The following LIPI variants were observed in gnomAD, a reference collection of about 807,000 sequenced individuals.
The protein encoded by LIPI is lipase I, also known as lipase member I.
In LIPI, 59 loss-of-function variants were observed where a neutral mutation model predicts 50.6. That is an observed-to-expected ratio of 1.16 (90% CI 0.94 to 1.45). The LOEUF (loss-of-function observed/expected upper bound fraction) is 1.45, where lower values mean the gene tolerates loss of function less well. LIPI is among the 40% of genes most tolerant of loss of function. The pLI, the probability that LIPI is intolerant of heterozygous loss-of-function variation, is 0.00. For synonymous variants in LIPI, 203 were observed against 178.2 expected (o/e 1.14, Z -1.11); for missense variants, 586 against 536.3 (o/e 1.09, Z -0.92).
chr21:14,130,157 G>GT (rs2017232542), intron 9 of LIPI, among the ~76,000 whole-genome samples: 1 of 152,136 alleles, frequency 6.6e-6, no homozygotes. Flanking sequence ...TTCTCCCAAA[G>GT]TTTAGCCATA....
chr21:14,209,410 T>C (rs2020307982), intron 1 of LIPI, among the ~76,000 whole-genome samples: 1 of 152,110 alleles, frequency 6.6e-6, no homozygotes, highest in Admixed American at 6.6e-5. Flanking sequence ...GCATGTGTAA[T>C]AAATAAAACA....
In LIPI at chr21:14,156,961, T is replaced by C. The variant is rs1166157977; in HGVS notation, c.1007-4277A>G. ...TCAAACGGAAATTAGAAATATATTA[T>C]TGGAAACTGGTAGAAGAAGAATCCT... On this transcript the variant is annotated intron_variant, in intron 7 of 9. Transcript: ENST00000681601. 8.6e-5 allele frequency among the ~76,000 whole-genome samples: 13 copies of C among 151,994 alleles called. No individual in the cohort carries two copies. The East Asian group carries it at 2.3e-3, about 27-fold the overall frequency.
At position 14,206,333 on chromosome 21, in the gene LIPI, A is replaced by G. The variant is rs138771031; in HGVS notation, c.46+4467T>C. On this transcript the variant is annotated intron_variant, in intron 1 of 9. Coordinates refer to ENST00000681601, the MANE Select transcript of LIPI (RefSeq NM_001302998.2). The stretch of plus-strand genomic sequence containing the variant: ...TGTTTAAATGGAAGGAGTTGAAAGA[A>G]ATGGTCTCCTGTTACTGTAACATTC... Among the ~76,000 whole-genome samples the G allele has an allele frequency of 1.7e-3, 265 of 152,228 alleles. 2 individuals are homozygous for G. Among genetic ancestry groups the G allele is most frequent in the African/African-American group, 6.1e-3 (252 of 41,536 alleles).
At chr21:14,204,804 C>A (rs1054104036) in intron 1 of LIPI, among the ~76,000 whole-genome samples, 2 of 151,672 alleles carry the variant, frequency 1.3e-5, no homozygotes, top group Non-Finnish European at 2.9e-5. Flanking sequence ...ATCATATGAA[C>A]TAGAAGAAGG....
At chr21:14,198,027 A>G (rs369379911) in intron 1 of LIPI, among the ~76,000 whole-genome samples, 3 of 152,276 alleles carry the variant, frequency 2.0e-5, no homozygotes, top group East Asian at 3.9e-4. Context: ...ACTAAGCTTC[A>G]TAAGCAAAAG....
At chr21:14,173,244 C>T (rs533647001) in intron 4 of LIPI, among the ~76,000 whole-genome samples, 3 of 152,314 alleles carry the variant, frequency 2.0e-5, no homozygotes, top group Non-Finnish European at 2.9e-5. Flanking sequence ...AGATCCTTTT[C>T]GATCAGTGTG....
intron 4 of LIPI, among the ~76,000 whole-genome samples, chr21:14,174,427 T>G (rs1048912457): frequency 7.9e-5 from 12 of 152,148 alleles, no homozygotes; most frequent in Admixed American, 2.0e-4. Context: ...GCTACCACAC[T>G]AATGTAAAGA....
intron 1 of LIPI, among the ~76,000 whole-genome samples, chr21:14,208,126 G>A (rs1281096567): frequency 6.6e-6 from 1 of 152,282 alleles, no homozygotes; most frequent in Non-Finnish European, 1.5e-5. Flanking sequence ...ACACAATTTA[G>A]AGAAAAATAA....
intron 8 of LIPI, among the ~76,000 whole-genome samples, chr21:14,146,351 C>A (rs993752): frequency 0.09 from 13,662 of 152,154 alleles, 775 homozygotes; most frequent in East Asian, 0.27. Context: ...GCATCACCAC[C>A]TATTACCCAA....
chr21:14,155,890 T>A (rs2018254445), intron 7 of LIPI, among the ~76,000 whole-genome samples: 1 of 151,970 alleles, frequency 6.6e-6, no homozygotes, highest in Non-Finnish European at 1.5e-5. Context: ...GAATGAACAA[T>A]GAGAAGAGAA....
Position 14,144,720 on chromosome 21 carries a change from T to A in LIPI, c.1198A>T (p.Ile400Phe). 6.4e-7 allele frequency: 1 copy of A among 1,561,874 alleles called. No homozygotes were observed. Among genetic ancestry groups the A allele is most frequent in the Non-Finnish European group, 8.8e-7 (1 of 1,132,850 alleles). ...GAGCTCTGGAAATATGTCAAACCAA[T>A]GCTTGAAATATTTACAAAGTCATTA... is the stretch of plus-strand genomic sequence containing the variant. ...FYNDFVNISS[I>F]GLTYFQSSNL... Residue 400 changes from isoleucine to phenylalanine, a missense_variant, in exon 9 of 10, where the codon ATT becomes TTT. By Grantham distance (21) the Ile-to-Phe change is conservative. Transcript: ENST00000681601.
chr21:14,152,655 G>T lies in LIPI; in HGVS notation c.1036C>A (p.Pro346Thr). 2.0e-6 allele frequency: 3 copies of T among 1,531,076 alleles called. No individual in the cohort carries two copies. Among genetic ancestry groups the T allele is most frequent in the South Asian group, 1.1e-5 (1 of 88,732 alleles). 94.8% of individuals were successfully genotyped at this position (1,531,076 alleles called of 1,614,324 possible). A position where few individuals can be genotyped will look rare whatever the true frequency, so the allele number is the denominator to read the frequency against. ...TYYFVLSIIV[P>T]DKTMMDGSFS... ...GAGCCATCCATCATAGTTTTATCTGGAACAATTATACTGAGAACAAAATAA... is the reference window on the plus strand; with the variant it reads ...GAGCCATCCATCATAGTTTTATCTGTAACAATTATACTGAGAACAAAATAA... Residue 346 changes from proline to threonine, a missense_variant, in exon 8 of 10, where the codon CCA becomes ACA. Coordinates refer to ENST00000681601, the MANE Select transcript of LIPI (RefSeq NM_001302998.2).
intron 9 of LIPI, among the ~76,000 whole-genome samples, chr21:14,117,099 T>C (rs1296601957): frequency 6.6e-6 from 1 of 152,182 alleles, no homozygotes; most frequent in African/African-American, 2.4e-5. Flanking sequence ...TGGCCGTCCC[T>C]GGTCAGGACA....
intron 3 of LIPI, among the ~76,000 whole-genome samples, chr21:14,183,406 T>A (rs2019343345): frequency 6.6e-6 from 1 of 152,170 alleles, no homozygotes; most frequent in Non-Finnish European, 1.5e-5. Flanking sequence ...ATTCAGGACA[T>A]AGGCATGGGC....
At chr21:14,209,596 T>C (rs1306421176) in intron 1 of LIPI, among the ~76,000 whole-genome samples, 4 of 152,162 alleles carry the variant, frequency 2.6e-5, no homozygotes, top group African/African-American at 9.6e-5. Flanking sequence ...AGTTCTACTA[T>C]TGTATTTTAA....
intron 9 of LIPI, among the ~76,000 whole-genome samples, chr21:14,132,832 A>C (rs559179437): frequency 6.6e-6 from 1 of 152,336 alleles, no homozygotes; most frequent in South Asian, 2.1e-4. Context: ...AACTGACACC[A>C]CAGAAATACA....
chr21:14,198,667 T>C (rs949058957), intron 1 of LIPI, among the ~76,000 whole-genome samples: 10 of 152,112 alleles, frequency 6.6e-5, no homozygotes, highest in Admixed American at 6.6e-4. Context: ...CACACAATAA[T>C]AATGGGAGAC....
chr21:14,190,433 C>T (rs1162159575), intron 1 of LIPI, among the ~76,000 whole-genome samples: 1 of 151,856 alleles, frequency 6.6e-6, no homozygotes, highest in African/African-American at 2.4e-5. Context: ...TCAATCCATA[C>T]CAAAAATTAA....
chr21:14,133,651 A>G (rs558390113), intron 9 of LIPI, among the ~76,000 whole-genome samples: 22 of 152,178 alleles, frequency 1.4e-4, no homozygotes, highest in Non-Finnish European at 2.5e-4. Context: ...ACAACAAAAT[A>G]AAAGGCACAC....
Sources: allele counts gnomAD v4.1 joint callset (sites outside exome capture counted in the v4.1 genomes callset), GRCh38; gene constraint gnomAD v4.1.1; transcripts MANE v1.5; gene names NCBI Gene and HGNC (gene_info 2026-07-23, HGNC 2026-07-21).